The following FUT8 variants were observed in gnomAD, a reference collection of about 807,000 sequenced individuals.
FUT8 encodes the protein fucosyltransferase 8, also known as alpha-(1,6)-fucosyltransferase.
FUT8 carries 29 observed loss-of-function variants against 71.3 expected under a neutral mutation model. The observed-to-expected ratio is 0.41, with a 90% CI of 0.30 to 0.55. The LOEUF (loss-of-function observed/expected upper bound fraction) is 0.55, where lower values mean the gene tolerates loss of function less well. Among genes scored for constraint, FUT8 ranks in the 20% least tolerant of loss-of-function variants. The pLI is 0.34. For missense variants in FUT8, 544 were observed against 702.1 expected, an observed-to-expected ratio of 0.77 and a Z score of 2.55; for synonymous variants, 254 against 239.3, an observed-to-expected ratio of 1.06 and a Z score of -0.57.
intron 5 of FUT8, among the ~76,000 whole-genome samples, chr14:65,626,239 G>A (rs895294847): frequency 4.0e-5 from 6 of 151,550 alleles, no homozygotes; most frequent in Non-Finnish European, 5.9e-5. Flanking sequence ...AAAAAATAGC[G>A]GCTACCACAT....
At chr14:65,617,693 C>G (rs988107758) in intron 5 of FUT8, among the ~76,000 whole-genome samples, 1 of 152,028 alleles carries the variant, frequency 6.6e-6, no homozygotes, top group Admixed American at 6.6e-5. Flanking sequence ...GCCTGTAATC[C>G]CAGCACTTTG....
At chr14:65,508,491 G>GTTTTTTTTTTTT (rs34809476) in intron 2 of FUT8, among the ~76,000 whole-genome samples, 3 of 46,500 alleles carry the variant, frequency 6.5e-5, no homozygotes, top group African/African-American at 8.4e-5. Flanking sequence ...AGTTGTTTGA[G>GTTTTTTTTTTTT]TTTTTTTTTT....
intron 2 of FUT8, chr14:65,479,885 G>A (rs2066302730): frequency 6.6e-6 from 1 of 152,054 alleles, no homozygotes; most frequent in African/African-American, 2.4e-5. Flanking sequence ...TTTATCTATT[G>A]TCTCATTAAT....
Position 65,733,346 on chromosome 14 carries a change from C to A in FUT8, c.1375C>A (p.Gln459Lys). The change falls in exon 10 of 11, where the codon CAG becomes AAG. Residue 459 changes from glutamine (Q) to lysine (K), a missense_variant. Gln to Lys is a moderately conservative substitution (Grantham distance 53). Coordinates refer to ENST00000673929, the MANE Select transcript of FUT8 (RefSeq NM_001371533.1). ...GATCCTGGATATACATTTTCTCTCT[C>A]AGGCAGACTTCCTAGTGTGTACTTT... ...GVILDIHFLSQADFLVCTFSS... is the reference protein window; with the variant it reads ...GVILDIHFLSKADFLVCTFSS... 6.2e-7 allele frequency: 1 copy of A among 1,603,244 alleles called. No individual in the cohort carries two copies. Among genetic ancestry groups the A allele is most frequent in the South Asian group, 1.1e-5 (1 of 89,056 alleles).
At position 65,550,545 on chromosome 14, in the gene FUT8, C is replaced by T. The variant is rs1274840658; in HGVS notation, c.-227-10792C>T. On this transcript the variant is annotated intron_variant, in intron 2 of 10. Transcript: ENST00000673929. The surrounding 1 kb of genome is among the most constrained non-coding windows in gnomAD (Gnocchi z 4.5). ...TACTGAATATATATTGCTTTTATAC[C>T]ATCATAAAGTTGAAAAATTGTTAAG... 1.3e-5 allele frequency among the ~76,000 whole-genome samples: 2 copies of T among 152,108 alleles called. No individual in the cohort carries two copies. Among genetic ancestry groups the T allele is most frequent in the East Asian group, 3.9e-4 (2 of 5,178 alleles).
chr14:65,618,773 T>C lies in FUT8; in HGVS notation c.482+2400T>C, dbSNP rs538213183. ...CATTTTATTTTTACATTGGCTCAAA[T>C]GATAGTGTATAGGTTTCTAGGTCTG... is the stretch of plus-strand genomic sequence containing the variant. On this transcript the variant is annotated intron_variant, in intron 5 of 10. Transcript: ENST00000673929. 1.4e-4 allele frequency among the ~76,000 whole-genome samples: 21 copies of C among 152,306 alleles called. 1 individual carries two copies. The highest frequency in any genetic ancestry group is 3.4e-3 in the Middle Eastern group (1 of 294).
At chr14:65,512,742 C>G (rs1235238334) in intron 2 of FUT8, among the ~76,000 whole-genome samples, 5 of 151,798 alleles carry the variant, frequency 3.3e-5, no homozygotes, top group African/African-American at 9.7e-5. Flanking sequence ...AACCCCGTCT[C>G]TATTAAAAAT....
chr14:65,540,260 T>G (rs1468216124), intron 2 of FUT8, among the ~76,000 whole-genome samples: 1 of 150,516 alleles, frequency 6.6e-6, no homozygotes, highest in Non-Finnish European at 1.5e-5. Context: ...CCCTGATTTT[T>G]GTTTGTTTGT....
chr14:65,456,755 C>A (rs2065899209), intron 2 of FUT8, among the ~76,000 whole-genome samples: 1 of 151,656 alleles, frequency 6.6e-6, no homozygotes, highest in African/African-American at 2.4e-5. Flanking sequence ...CGTCTGTAGT[C>A]CCAGCTATTT....
chr14:65,700,216 T>C (rs1894211737), intron 7 of FUT8, among the ~76,000 whole-genome samples: 1 of 152,174 alleles, frequency 6.6e-6, no homozygotes, highest in African/African-American at 2.4e-5. Flanking sequence ...GTAGGACATA[T>C]GGTTGCCATC....
intron 9 of FUT8, among the ~76,000 whole-genome samples, chr14:65,732,483 T>C (rs1896025815): frequency 6.6e-6 from 1 of 152,240 alleles, no homozygotes; most frequent in Non-Finnish European, 1.5e-5. Flanking sequence ...ATAAGAACTA[T>C]TATTCCTTCA....
At position 65,430,008 on chromosome 14, in the gene FUT8, G is replaced by A. The variant is rs181128424; in HGVS notation, c.-326+16794G>A. On this transcript the variant is annotated intron_variant, in intron 1 of 10. Transcript: ENST00000673929. ...TCTGAGGTGACTGTTCTTATTGCAA[G>A]AATCTTTTTTTGTTTTTGTTTTTTT... 4.7e-3 allele frequency among the ~76,000 whole-genome samples: 648 copies of A among 138,712 alleles called. 3 individuals carry two copies. Among genetic ancestry groups the A allele is most frequent in the Non-Finnish European group, 6.4e-3 (421 of 65,530 alleles). The allele number at this position is 138,712 out of a possible 152,430, so 91.0% of individuals were successfully genotyped here.
At chr14:65,575,568 TTTCCTTCCTTCCTTCTTCCTTCCTTCC>T (rs201029580) in intron 3 of FUT8, among the ~76,000 whole-genome samples, 1,813 of 77,564 alleles carry the variant, frequency 0.023, 51 homozygotes, top group African/African-American at 0.12. Context: ...CCCTCCCTTC[TTTCCTTCCTTCCTTCTTCCTTCCTTCC>T]TTCCTTCCTT....
At position 65,666,287 on chromosome 14, in the gene FUT8, C is replaced by T. The variant is rs143993576; in HGVS notation, c.598-2956C>T. On this transcript the variant is annotated intron_variant, in intron 6 of 10. Transcript: ENST00000673929. ...TTCCTGAATAAGAAACGTACTGGAT[C>T]AGTCCTGACCTATTTTATGATTTTT... 2.0e-4 allele frequency among the ~76,000 whole-genome samples: 31 copies of T among 152,212 alleles called. 1 individual carries two copies. The East Asian group carries it at 6.0e-3, about 29-fold the overall frequency.
chr14:65,530,069 G>A (rs1394269396), intron 2 of FUT8, among the ~76,000 whole-genome samples: 1 of 152,066 alleles, frequency 6.6e-6, no homozygotes, highest in Non-Finnish European at 1.5e-5. Flanking sequence ...TGATATTCAG[G>A]TAATTTAAGG....
At chr14:65,581,219 G>A (rs1008732697) in intron 3 of FUT8, among the ~76,000 whole-genome samples, 1 of 152,050 alleles carries the variant, frequency 6.6e-6, no homozygotes, top group Non-Finnish European at 1.5e-5. Flanking sequence ...ATTTTAACAA[G>A]CTCTCAATGT....
Position 65,660,426 on chromosome 14 carries a change from C to T in FUT8, c.598-8817C>T, listed in dbSNP as rs972949028. Among the ~76,000 whole-genome samples the T allele has an allele frequency of 6.6e-6, 1 of 152,066 alleles. No homozygotes were observed. The highest frequency in any genetic ancestry group is 1.5e-5 in the Non-Finnish European group (1 of 67,988). On this transcript the variant is annotated intron_variant, in intron 6 of 10. Transcript: ENST00000673929. The surrounding 1 kb of genome is among the most constrained non-coding windows in gnomAD (Gnocchi z 4.1). The stretch of plus-strand genomic sequence containing the variant: ...GTAAGCTAAATGTGGCTTTACTTAC[C>T]AAGATAAGCTTTCCTCTTCTATGAC...
chr14:65,414,418 A>G (rs1276100175), intron 1 of FUT8, among the ~76,000 whole-genome samples: 1 of 152,248 alleles, frequency 6.6e-6, no homozygotes, highest in East Asian at 1.9e-4. Context: ...TAAGCACTAC[A>G]GTATATCAGA....
intron 2 of FUT8, among the ~76,000 whole-genome samples, chr14:65,531,745 A>G (rs1376648961): frequency 1.3e-5 from 2 of 151,980 alleles, no homozygotes; most frequent in Admixed American, 1.3e-4. Context: ...CCCAATAGTT[A>G]TGTTTTCTGT....
Sources: allele counts gnomAD v4.1 joint callset (sites outside exome capture counted in the v4.1 genomes callset), GRCh38; gene constraint gnomAD v4.1.1; non-coding constraint Gnocchi (gnomAD v3.1); transcripts MANE v1.5; gene names NCBI Gene and HGNC (gene_info 2026-07-23, HGNC 2026-07-21).